SDK1: variants seen among roughly 807,000 people sequenced by gnomAD.
The protein encoded by SDK1 is sidekick cell adhesion molecule 1.
In SDK1, 157 loss-of-function variants were observed where a neutral mutation model predicts 245.5. That is an observed-to-expected ratio of 0.64 (90% confidence interval 0.56 to 0.73). The LOEUF is 0.73. Ranked by LOEUF, SDK1 falls within the 30% of genes least tolerant of loss-of-function variation. The probability of loss-of-function intolerance (pLI) is 0.00; values close to 1 mark genes in which losing one functional copy is unlikely to be tolerated. For synonymous variants in SDK1, 1,647 were observed against 1,278.5 expected, an observed-to-expected ratio of 1.29 and a Z score of -6.15; for missense variants, 3,583 against 3,002.3, an observed-to-expected ratio of 1.19 and a Z score of -4.52.
intron 4 of SDK1, among the ~76,000 whole-genome samples, chr7:3,686,195 C>T (rs970100384): frequency 1.3e-5 from 2 of 152,190 alleles, no homozygotes; most frequent in Non-Finnish European, 2.9e-5. Context: ...CCTGCCTCAG[C>T]CTCCCGAGTA....
chr7:3,469,807 G>A (rs558246837), intron 1 of SDK1, among the ~76,000 whole-genome samples: 2 of 152,312 alleles, frequency 1.3e-5, no homozygotes, highest in East Asian at 3.9e-4. Flanking sequence ...GAATAAATCT[G>A]TCAGGCATTT....
At position 3,508,838 on chromosome 7, in the gene SDK1, G is replaced by C. The variant is rs113514939; in HGVS notation, c.299-110242G>C. On this transcript the variant is annotated intron_variant, in intron 1 of 44. Coordinates refer to ENST00000404826, the MANE Select transcript of SDK1 (RefSeq NM_152744.4). ...AAGGCAGGAATGGCTGCTATCAGTA[G>C]GTGCTCAATAAGTATTTGGGGATGG... 2.0e-4 allele frequency among the ~76,000 whole-genome samples: 30 copies of C among 152,248 alleles called. 1 individual carries two copies. Among genetic ancestry groups the C allele is most frequent in the African/African-American group, 5.5e-4 (23 of 41,540 alleles).
chr7:3,856,479 G>GT (rs1367587159), intron 5 of SDK1, among the ~76,000 whole-genome samples: 1 of 63,648 alleles, frequency 1.6e-5, no homozygotes, highest in Non-Finnish European at 2.7e-5. Flanking sequence ...TTCAGGTAAT[G>GT]TTAAAAAAAA....
chr7:3,761,142 G>A (rs556137565), intron 4 of SDK1, among the ~76,000 whole-genome samples: 3 of 151,986 alleles, frequency 2.0e-5, no homozygotes, highest in East Asian at 3.9e-4. Flanking sequence ...AGAATGAGTA[G>A]CACTTTTTCC....
intron 40 of SDK1, among the ~76,000 whole-genome samples, chr7:4,223,950 T>G (rs1785273738): frequency 6.6e-6 from 1 of 152,202 alleles, no homozygotes; most frequent in Non-Finnish European, 1.5e-5. Context: ...TGTTGGCTAA[T>G]GAGTCCATGA....
intron 25 of SDK1, among the ~76,000 whole-genome samples, chr7:4,126,964 T>C (rs1784429510): frequency 6.6e-6 from 1 of 152,156 alleles, no homozygotes. Flanking sequence ...TCCCCTTCTT[T>C]TGTGTAAATC....
intron 1 of SDK1, among the ~76,000 whole-genome samples, chr7:3,455,676 A>G (rs1277402413): frequency 6.6e-6 from 1 of 152,128 alleles, no homozygotes. Flanking sequence ...AGTTTTGATT[A>G]TGGAGCTATA....
At chr7:3,792,890 T>A (rs1778847855) in intron 4 of SDK1, among the ~76,000 whole-genome samples, 1 of 152,204 alleles carries the variant, frequency 6.6e-6, no homozygotes, top group Non-Finnish European at 1.5e-5. Flanking sequence ...CCTCTAGCAC[T>A]GGCGTTTTAA....
At chr7:4,162,402 A>ATT (rs1243435773) in intron 32 of SDK1, among the ~76,000 whole-genome samples, 1 of 137,464 alleles carries the variant, frequency 7.3e-6, no homozygotes, top group East Asian at 2.0e-4. Flanking sequence ...TATTATTATT[A>ATT]TTATTATTAT....
At chr7:3,560,024 A>C (rs899089664) in intron 1 of SDK1, among the ~76,000 whole-genome samples, 1 of 152,250 alleles carries the variant, frequency 6.6e-6, no homozygotes, top group Admixed American at 6.5e-5. Flanking sequence ...AGGAGACAGG[A>C]GATAGCTCAA....
intron 17 of SDK1, among the ~76,000 whole-genome samples, chr7:4,023,684 A>G (rs1408703499): frequency 2.6e-5 from 4 of 152,222 alleles, no homozygotes; most frequent in Non-Finnish European, 4.4e-5. Context: ...GCAACTTTCT[A>G]ATAGTGTAGC....
rs533875363 is a variant in SDK1 at position 3,536,873 on chromosome 7, A to C, written c.299-82207A>C. 1.3e-4 allele frequency among the ~76,000 whole-genome samples: 20 copies of C among 152,348 alleles called. No individual in the cohort carries two copies. The South Asian group carries it at 3.9e-3, about 30-fold the overall frequency. ...TCCATTTTAATAAAAGTACCATGCTATTATGAAGTAATTATGAATCAGTAG... is the reference window on the plus strand; with the variant it reads ...TCCATTTTAATAAAAGTACCATGCTCTTATGAAGTAATTATGAATCAGTAG... On this transcript the variant is annotated intron_variant, in intron 1 of 44. Transcript: ENST00000404826.
intron 11 of SDK1, among the ~76,000 whole-genome samples, chr7:3,969,662 T>C (rs1466210550): frequency 6.6e-6 from 1 of 152,246 alleles, no homozygotes; most frequent in Non-Finnish European, 1.5e-5. Flanking sequence ...GACGAAAGAT[T>C]GACTTTGTAA....
chr7:3,450,974 C>G (rs1583876145), intron 1 of SDK1, among the ~76,000 whole-genome samples: 1 of 152,104 alleles, frequency 6.6e-6, no homozygotes, highest in Non-Finnish European at 1.5e-5. Flanking sequence ...TCATTGCAGT[C>G]AGATGGCACA....
chr7:3,429,097 G>C lies in SDK1; in HGVS notation c.298+127213G>C, dbSNP rs558795188. Among the ~76,000 whole-genome samples the C allele has an allele frequency of 2.6e-4, 40 of 152,272 alleles. No homozygotes were observed. In the South Asian group the frequency reaches 8.1e-3, roughly 31 times the overall value. On this transcript the variant is annotated intron_variant, in intron 1 of 44. Transcript: ENST00000404826. ...AAGTAGTCAAATTTGAAAGTTGTAA[G>C]ATACAATCCAGCTTCTGCAATAATG...
At chr7:4,251,898 G>A (rs773327094) in intron 44 of SDK1, among the ~76,000 whole-genome samples, 42 of 152,194 alleles carry the variant, frequency 2.8e-4, no homozygotes, top group Admixed American at 1.3e-3. Context: ...TTTTATTATC[G>A]AAAGGTTTGG....
intron 4 of SDK1, among the ~76,000 whole-genome samples, chr7:3,799,243 G>A (rs934458819): frequency 2.6e-5 from 4 of 152,044 alleles, no homozygotes; most frequent in African/African-American, 9.7e-5. Flanking sequence ...TTGAAATTGT[G>A]TTAAATCTTC....
At chr7:3,810,870 G>C (rs1197354853) in intron 4 of SDK1, among the ~76,000 whole-genome samples, 1 of 152,122 alleles carries the variant, frequency 6.6e-6, no homozygotes, top group East Asian at 1.9e-4. Context: ...AGGCCTCTTT[G>C]CTAAATTATT....
At chr7:4,205,739 G>C in intron 35 of SDK1, 140 bp from the exon 36 acceptor site, 1 of 704,212 alleles carries the variant, frequency 1.4e-6, no homozygotes, top group Non-Finnish European at 2.4e-6. Context: ...TCCTAAGCCA[G>C]GGCGACGGCC....
Sources: gnomAD v4.1 joint callset for allele counts (sites outside exome capture counted in the v4.1 genomes callset) on GRCh38, gnomAD v4.1.1 for gene constraint, MANE v1.5 for transcripts, NCBI Gene and HGNC (gene_info 2026-07-23, HGNC 2026-07-21) for gene names.